ENO3: variants seen among roughly 807,000 people sequenced by gnomAD.
ENO3 encodes the protein beta-enolase.
Under a neutral mutation model 47.7 loss-of-function variants are expected in ENO3, and 46 were observed. That is an observed-to-expected ratio of 0.96 (90% confidence interval 0.76 to 1.23). The LOEUF (loss-of-function observed/expected upper bound fraction) is 1.23. ENO3 is among the 50% of genes most tolerant of loss of function. The pLI, the probability that ENO3 is intolerant of heterozygous loss-of-function variation, is 0.00. For synonymous variants in ENO3, 223 were observed against 225.9 expected (o/e 0.99, Z 0.11); for missense variants, 575 against 566.2 (o/e 1.02, Z -0.16).
chr17:4,955,798 GTC>G, intron 8 of ENO3, 142 bp from the exon 9 acceptor site: 1 of 1,197,630 alleles, frequency 8.3e-7, no homozygotes, highest in Non-Finnish European at 1.2e-6. Context: ...TCTCTGCCCT[GTC>G]TCTGCCTTGT....
In ENO3 at chr17:4,956,073, GAGA is replaced by G. The variant is rs774820846; in HGVS notation, c.1003_1005del (p.Lys335del). ...CCCCAAGAGGATTGCCCAGGCCGTT[GAGA>G]AGAAGGCCTGCAACTGTCTGCTGCT... On this transcript the variant is annotated inframe_deletion, in exon 9 of 12. Coordinates refer to ENST00000519602, the MANE Select transcript of ENO3 (RefSeq NM_053013.4). 5.0e-6 allele frequency: 8 copies of G among 1,614,090 alleles called. No individual in the cohort carries two copies. Among genetic ancestry groups the G allele is most frequent in the Non-Finnish European group, 6.8e-6 (8 of 1,180,034 alleles).
At chr17:4,954,995 C>T (rs1271903276) in intron 6 of ENO3, 80 bp from the exon 7 acceptor site, 3 of 1,368,806 alleles carry the variant, frequency 2.2e-6, no homozygotes, top group African/African-American at 2.9e-5. Flanking sequence ...GCCAGGTTTC[C>T]ACCCCAACAC....
upstream of ENO3, chr17:4,950,707 G>A (rs1971515720): frequency 5.1e-6 from 5 of 978,932 alleles, no homozygotes; most frequent in Non-Finnish European, 6.1e-6. Context: ...CCAGCGATCT[G>A]AGCATGTGTG....
intron 6 of ENO3, 91 bp from the exon 7 acceptor site, chr17:4,954,984 A>C: frequency 8.5e-7 from 1 of 1,179,482 alleles, no homozygotes; most frequent in East Asian, 2.5e-5. Context: ...TAAGTAGGGA[A>C]GCCAGGTTTC....
intron 3 of ENO3, 73 bp from the exon 4 acceptor site, chr17:4,952,978 T>G (rs543950776): frequency 6.2e-7 from 1 of 1,610,502 alleles, no homozygotes; most frequent in Admixed American, 1.7e-5. Context: ...CCCCCAAGGC[T>G]CTTGAGGAGC....
upstream of ENO3, chr17:4,950,952 T>G: frequency 1.1e-6 from 1 of 874,590 alleles, no homozygotes; most frequent in Non-Finnish European, 1.4e-6. Context: ...TAGTTGACCT[T>G]TGGTAAGGGG....
At chr17:4,948,740 A>T (rs1036895373), upstream of ENO3, 1 of 295,214 alleles carries the variant, frequency 3.4e-6, no homozygotes, top group Non-Finnish European at 6.3e-6. Context: ...ATGCAGAAGG[A>T]TGGGGGGTGG....
chr17:4,951,829 C>T lies in ENO3; in HGVS notation c.-1C>T. 6.2e-7 allele frequency: 1 copy of T among 1,614,086 alleles called. No individual in the cohort carries two copies. The highest frequency in any genetic ancestry group is 8.5e-7 in the Non-Finnish European group (1 of 1,179,954). ...TCACTCACACCTCCTGTCCTGCAGC[C>T]ATGGCCATGCAGAAAATCTTTGCCC... On this transcript the variant is annotated splice_region_variant and 5_prime_UTR_variant, in exon 2 of 12. Transcript: ENST00000519602.
At chr17:4,954,968 A>T in intron 6 of ENO3, 107 bp from the exon 7 acceptor site, 1 of 906,252 alleles carries the variant, frequency 1.1e-6, no homozygotes, top group Non-Finnish European at 1.7e-6. Flanking sequence ...TAGACCACTG[A>T]GCTAGTAAGT....
intron 5 of ENO3, 60 bp from the exon 6 acceptor site, chr17:4,953,637 CTGGCGTCTTCCTGGA>C: frequency 6.2e-7 from 1 of 1,612,500 alleles, no homozygotes; most frequent in Admixed American, 1.7e-5. Flanking sequence ...GTTTGGAGCT[CTGGCGTCTTCCTGGA>C]GTAGCCACCC....
Position 4,953,857 on chromosome 17 carries a change from T to G in ENO3, c.444+12T>G. The G allele has an allele frequency of 6.2e-7, 1 of 1,614,068 alleles. No individual in the cohort carries two copies. Among genetic ancestry groups the G allele is most frequent in the Non-Finnish European group, 8.5e-7 (1 of 1,179,990 alleles). ...TACTCCCAGTGCCAGTGAGTGCAGC[T>G]ACCCGCCCTTCCCAGATCTCGCCTG... On this transcript the variant is annotated intron_variant, in intron 6 of 11. Transcript: ENST00000519602.
At chr17:4,951,701 T>G (rs368262670) in intron 1 of ENO3, 127 bp from the exon 2 acceptor site, 1 of 1,051,074 alleles carries the variant, frequency 9.5e-7, no homozygotes, top group Non-Finnish European at 1.5e-6. Context: ...GTCTGTGACC[T>G]TTTTGTAGGG....
Position 4,952,917 on chromosome 17 carries a change from C to A in ENO3, c.181+27C>A, listed in dbSNP as rs200352599. ...TGAGGAGACACCAGCGCAGAAGGAG[C>A]CTGTGTGGGCGGCTTTAGGACATGG... On this transcript the variant is annotated intron_variant, in intron 3 of 11. Transcript: ENST00000519602. 197 of 1,610,760 alleles carry A rather than the reference C, an allele frequency of 1.2e-4. 1 individual carries two copies. In the African/African-American group the frequency reaches 2.4e-3, roughly 20 times the overall value.
At chr17:4,956,381 G>T in intron 9 of ENO3, 192 bp from the exon 10 acceptor site, 2 of 732,362 alleles carry the variant, frequency 2.7e-6, no homozygotes, top group Admixed American at 4.3e-5. Context: ...CTCAGATTCC[G>T]CTGTTCTCAG....
At chr17:4,950,571 T>C, upstream of ENO3, 1 of 985,552 alleles carries the variant, frequency 1.0e-6, no homozygotes, top group Non-Finnish European at 1.2e-6. Flanking sequence ...CGGCGCTGGC[T>C]GGCCTGGAGA....
chr17:4,956,340 A>AC (rs1168121608), intron 9 of ENO3, 197 bp downstream of exon 9: 14 of 746,062 alleles, frequency 1.9e-5, no homozygotes, highest in Admixed American at 4.4e-5. Flanking sequence ...CTCTGTCATG[A>AC]CCCCCCACCC....
upstream of ENO3, chr17:4,950,754 C>A (rs1971516742): frequency 9.1e-6 from 8 of 883,922 alleles, 2 homozygotes; most frequent in African/African-American, 9.1e-5. Flanking sequence ...AGGCCCCCTC[C>A]CCAGCCTTGC....
intron 10 of ENO3, 36 bp from the exon 11 acceptor site, chr17:4,956,795 C>T (rs771733378): frequency 1.9e-6 from 3 of 1,614,218 alleles, no homozygotes; most frequent in Admixed American, 1.7e-5. Flanking sequence ...CCTTTCCAGC[C>T]TCACCTAACC....
chr17:4,950,961 G>T (rs1012733496), upstream of ENO3: 1 of 908,132 alleles, frequency 1.1e-6, no homozygotes, highest in African/African-American at 1.8e-5. Flanking sequence ...TTTGGTAAGG[G>T]GGCAGGTGCC....
Sources: gnomAD v4.1 joint callset for allele counts on GRCh38, gnomAD v4.1.1 for gene constraint, MANE v1.5 for transcripts, NCBI Gene and HGNC (gene_info 2026-07-23, HGNC 2026-07-21) for gene names.